BMPER: variants seen among roughly 807,000 people sequenced by gnomAD.
BMPER encodes BMP-binding endothelial regulator protein.
In BMPER, 45 loss-of-function variants were observed where a neutral mutation model predicts 87.3. The ratio of observed to expected loss-of-function variants is 0.52; its 90% confidence interval spans 0.41 to 0.66. BMPER has a LOEUF of 0.66. Ranked by LOEUF, BMPER falls within the 30% of genes least tolerant of loss-of-function variation. The pLI, the probability that BMPER is intolerant of heterozygous loss-of-function variation, is 0.00. For synonymous variants in BMPER, 326 were observed against 316.2 expected, an observed-to-expected ratio of 1.03 and a Z score of -0.33; for missense variants, 784 against 867.5, an observed-to-expected ratio of 0.90 and a Z score of 1.21.
intron 6 of BMPER, among the ~76,000 whole-genome samples, chr7:34,031,961 C>CAT (rs1196652571): frequency 1.5e-5 from 2 of 129,518 alleles, no homozygotes; most frequent in African/African-American, 5.8e-5. Flanking sequence ...TACACACACA[C>CAT]ATATATATAA....
intron 3 of BMPER, among the ~76,000 whole-genome samples, chr7:33,944,812 G>A (rs938189236): frequency 5.9e-5 from 9 of 152,170 alleles, no homozygotes; most frequent in African/African-American, 2.2e-4. Context: ...AATAATTACA[G>A]AAGTTTATAT....
At chr7:33,921,717 C>T (rs978907926) in intron 2 of BMPER, 2 of 470,924 alleles carry the variant, frequency 4.2e-6, no homozygotes. Flanking sequence ...TGTGGTCTTT[C>T]TGGGATGGGT....
chr7:34,081,322 T>A (rs1319257749), intron 12 of BMPER, among the ~76,000 whole-genome samples: 3 of 152,300 alleles, frequency 2.0e-5, no homozygotes, highest in Non-Finnish European at 2.9e-5. Flanking sequence ...TAAAAAAAAA[T>A]TTATAAGCTC....
chr7:33,995,599 G>A (rs919923381), intron 6 of BMPER, among the ~76,000 whole-genome samples: 2 of 152,174 alleles, frequency 1.3e-5, no homozygotes, highest in African/African-American at 4.8e-5. Context: ...ACCAGGCCAT[G>A]TAAGATTGAT....
At chr7:34,102,626 A>G (rs528502981) in intron 13 of BMPER, among the ~76,000 whole-genome samples, 2 of 152,196 alleles carry the variant, frequency 1.3e-5, no homozygotes, top group South Asian at 4.2e-4. Flanking sequence ...AAGAGGGGAG[A>G]ATGGATATTT....
chr7:34,113,706 T>C (rs935637180), intron 13 of BMPER, among the ~76,000 whole-genome samples: 1 of 152,158 alleles, frequency 6.6e-6, no homozygotes, highest in Non-Finnish European at 1.5e-5. Flanking sequence ...TATATCTATT[T>C]CATGGGCTTC....
At chr7:34,119,254 C>T (rs1417411965) in intron 13 of BMPER, among the ~76,000 whole-genome samples, 3 of 152,122 alleles carry the variant, frequency 2.0e-5, no homozygotes, top group African/African-American at 4.8e-5. Context: ...CCACGTAGTA[C>T]CCACAGCAGA....
At chr7:34,015,046 C>A (rs1786983134) in intron 6 of BMPER, among the ~76,000 whole-genome samples, 1 of 152,000 alleles carries the variant, frequency 6.6e-6, no homozygotes, top group East Asian at 1.9e-4. Context: ...AAGAGTCTCT[C>A]ATTTCATGCT....
At chr7:33,965,628 A>C (rs1785386702) in intron 3 of BMPER, among the ~76,000 whole-genome samples, 1 of 152,116 alleles carries the variant, frequency 6.6e-6, no homozygotes, top group Non-Finnish European at 1.5e-5. Flanking sequence ...CTCTTTGCCT[A>C]GTGGGCTTCT....
intron 4 of BMPER, among the ~76,000 whole-genome samples, chr7:33,969,881 G>C (rs528118402): frequency 6.6e-6 from 1 of 152,270 alleles, no homozygotes; most frequent in East Asian, 1.9e-4. Context: ...AGGTTGGTAA[G>C]GATTTAGGAT....
rs1202246283 is a variant in BMPER, at chr7:34,153,296, T to C, written c.*23T>C. 6.2e-7 allele frequency: 1 copy of C among 1,613,242 alleles called. No homozygotes were observed. The highest frequency in any genetic ancestry group is 2.2e-5 in the East Asian group (1 of 44,872). On this transcript the variant is annotated 3_prime_UTR_variant, in exon 15 of 15. Coordinates refer to ENST00000649409, the MANE Select transcript of BMPER (RefSeq NM_001365308.1). Reference sequence around the variant, plus strand: ...TGACCTTTGTTTCGATCCTTAAGACTCTGAAATCTGGTGACTTTGACACTG... The same window carrying C: ...TGACCTTTGTTTCGATCCTTAAGACCCTGAAATCTGGTGACTTTGACACTG...
At chr7:34,004,800 A>G (rs1013554276) in intron 6 of BMPER, among the ~76,000 whole-genome samples, 1 of 152,134 alleles carries the variant, frequency 6.6e-6, no homozygotes, top group African/African-American at 2.4e-5. Context: ...TGGGAAGTTT[A>G]CAACCCTGCT....
chr7:34,086,111 G>T lies in BMPER; in HGVS notation c.1745+19G>T, dbSNP rs11976813. On this transcript the variant is annotated intron_variant, in intron 13 of 14. Transcript: ENST00000649409. Reference sequence around the variant, plus strand: ...TCTACCGGTAAGTACAGTGTTCTGGGGAATGGTTTTGGGTTGCAGACCAAT... The same window carrying T: ...TCTACCGGTAAGTACAGTGTTCTGGTGAATGGTTTTGGGTTGCAGACCAAT... 3,598 of 1,612,052 alleles carry T rather than the reference G, an allele frequency of 2.2e-3. 76 individuals carry two copies. The African/African-American group carries it at 0.042, about 19-fold the overall frequency.
At chr7:34,130,065 T>G (rs1203565392) in intron 13 of BMPER, among the ~76,000 whole-genome samples, 2 of 152,198 alleles carry the variant, frequency 1.3e-5, no homozygotes, top group East Asian at 3.8e-4. Context: ...CCTCCTCTCC[T>G]GTTTTCTTCC....
intron 13 of BMPER, among the ~76,000 whole-genome samples, chr7:34,132,636 A>C (rs1790624350): frequency 6.6e-6 from 1 of 152,222 alleles, no homozygotes; most frequent in Non-Finnish European, 1.5e-5. Flanking sequence ...AAAAGGAGAC[A>C]GTGAGTTTCT....
At chr7:34,078,191 G>T (rs148780695) in intron 11 of BMPER, among the ~76,000 whole-genome samples, 563 of 152,110 alleles carry the variant, frequency 3.7e-3, no homozygotes, top group Middle Eastern at 0.014. Flanking sequence ...ATTATATTTC[G>T]TAACTTATTT....
At chr7:33,945,371 C>T (rs1236498394) in intron 3 of BMPER, among the ~76,000 whole-genome samples, 1 of 151,716 alleles carries the variant, frequency 6.6e-6, no homozygotes, top group African/African-American at 2.4e-5. Context: ...TTGCCTCAGC[C>T]TCCTAAGCAG....
At chr7:33,990,666 G>A (rs1048290763) in intron 6 of BMPER, among the ~76,000 whole-genome samples, 2 of 149,864 alleles carry the variant, frequency 1.3e-5, no homozygotes, top group African/African-American at 4.9e-5. Flanking sequence ...AATAGGAGTG[G>A]TGAGAGAGGG....
In BMPER at chr7:33,906,600, A is replaced by G. The variant is rs547348715; in HGVS notation, c.134-218A>G. On this transcript the variant is annotated intron_variant, in intron 1 of 14. Coordinates refer to ENST00000649409, the MANE Select transcript of BMPER (RefSeq NM_001365308.1). ...CTGAGAACAGATAATTTATCCCTAT[A>G]TCATAGTCTTTTCTTTTTTGAACCT... is the stretch of plus-strand genomic sequence containing the variant. 1.9e-3 allele frequency among the ~76,000 whole-genome samples: 289 copies of G among 152,318 alleles called. 1 individual carries two copies. The highest frequency in any genetic ancestry group is 6.7e-3 in the African/African-American group (279 of 41,572).
Sources: allele counts gnomAD v4.1 joint callset (sites outside exome capture counted in the v4.1 genomes callset), GRCh38; gene constraint gnomAD v4.1.1; transcripts MANE v1.5; gene names NCBI Gene and HGNC (gene_info 2026-07-23, HGNC 2026-07-21).